The following MGA variants were observed in gnomAD, a reference collection of about 807,000 sequenced individuals.
MGA encodes MAX dimerization protein MGA.
MGA carries 40 observed loss-of-function variants against 261.1 expected under a neutral mutation model. The ratio of observed to expected loss-of-function variants is 0.15; its 90% CI spans 0.12 to 0.20. The LOEUF is 0.20. MGA is among the 10% of genes least tolerant of loss of function. MGA has a pLI of 1.00. For missense variants in MGA, 3,397 were observed against 3,630.5 expected (o/e 0.94, Z 1.65); for synonymous variants, 1,302 against 1,290.6 (o/e 1.01, Z -0.19).
intron 5 of MGA, among the ~76,000 whole-genome samples, chr15:41,699,493 A>ATGTGTGTGTG (rs10637801): frequency 6.6e-6 from 1 of 150,940 alleles, no homozygotes; most frequent in Non-Finnish European, 1.5e-5. Flanking sequence ...GCTTTTGTTT[A>ATGTGTGTGTG]TGTGTGTGTG....
chr15:41,729,370 G>C (rs1418425867), intron 11 of MGA, 21 bp downstream of exon 11: 2 of 1,590,040 alleles, frequency 1.3e-6, no homozygotes, highest in African/African-American at 2.7e-5. Flanking sequence ...TGTTGCATAA[G>C]TTCTTTTTAA....
intron 2 of MGA, among the ~76,000 whole-genome samples, chr15:41,694,916 G>T (rs1036632297): frequency 6.6e-6 from 1 of 152,126 alleles, no homozygotes; most frequent in East Asian, 1.9e-4. Flanking sequence ...TACTACAGGC[G>T]TGTGCCACCA....
intron 9 of MGA, among the ~76,000 whole-genome samples, chr15:41,717,137 T>C (rs1339805258): frequency 8.2e-6 from 1 of 122,004 alleles, no homozygotes; most frequent in African/African-American, 3.2e-5. Flanking sequence ...CAAGTCCTCA[T>C]GCTTTTTCTG....
intron 22 of MGA, 99 bp downstream of exon 22, chr15:41,762,461 G>GTTTTTTTTTTTGTTTTT (rs2063525666): frequency 8.0e-6 from 1 of 125,094 alleles, no homozygotes; most frequent in African/African-American, 6.6e-5. Flanking sequence ...GTTTTGTGTG[G>GTTTTTTTTTTTGTTTTT]TTTTTTTTTT....
chr15:41,696,667 T>C lies in MGA; in HGVS notation c.1657T>C (p.Tyr553His), dbSNP rs796885367. 10 of 1,612,812 alleles carry C rather than the reference T, an allele frequency of 6.2e-6. No homozygotes were observed. In the African/African-American group the frequency reaches 1.2e-4, roughly 19 times the overall value. Reference sequence around the variant, plus strand: ...CTTACTGAAAGAGCCTCAGTGGAAATATCCTGATATATCTGACAGCATTAG... The same window carrying C: ...CTTACTGAAAGAGCCTCAGTGGAAACATCCTGATATATCTGACAGCATTAG... The change falls in exon 3 of 24, where the codon TAT becomes CAT. Residue 553 changes from tyrosine to histidine, a missense_variant. Around this residue, in one of 9 missense-constraint regions of MGA, gnomAD observed 563 missense variants for 563.6 expected, o/e 1.00. Coordinates refer to ENST00000219905, the MANE Select transcript of MGA (RefSeq NM_001164273.2).
At position 41,726,746 on chromosome 15, in the gene MGA, T is replaced by A. The variant is rs978991089; in HGVS notation, c.3431-434T>A. On this transcript the variant is annotated intron_variant, in intron 9 of 23. Coordinates refer to ENST00000219905, the MANE Select transcript of MGA (RefSeq NM_001164273.2). ...TCTGTCTCAAAAAAAAAAAAAAAAA[T>A]TTTTTTTCAGTAAGGTCTTCTCTGA... 1.1e-3 allele frequency among the ~76,000 whole-genome samples: 164 copies of A among 150,230 alleles called. 1 individual carries two copies. Among genetic ancestry groups the A allele is most frequent in the East Asian group, 4.1e-3 (21 of 5,068 alleles).
At chr15:41,630,764 A>G (rs892530762) in intron 1 of MGA, among the ~76,000 whole-genome samples, 4 of 152,164 alleles carry the variant, frequency 2.6e-5, no homozygotes, top group Non-Finnish European at 4.4e-5. Context: ...CGGGAATTCT[A>G]TTTTAACAGT....
chr15:41,684,094 T>C (rs1351453833), intron 2 of MGA, among the ~76,000 whole-genome samples: 1 of 152,134 alleles, frequency 6.6e-6, no homozygotes, highest in Admixed American at 6.6e-5. Flanking sequence ...TTAAATTGCA[T>C]CATATTGTCT....
At chr15:41,718,578 T>C in intron 9 of MGA, 1 of 377,450 alleles carries the variant, frequency 2.6e-6, no homozygotes. Flanking sequence ...CTGCAACTGC[T>C]TCTCGAAGTG....
intron 9 of MGA, among the ~76,000 whole-genome samples, chr15:41,722,389 A>G (rs1567033683): frequency 6.6e-6 from 1 of 152,178 alleles, no homozygotes; most frequent in Non-Finnish European, 1.5e-5. Flanking sequence ...TCGGCCTCCC[A>G]AAGTGCTGGG....
At position 41,749,454 on chromosome 15, in the gene MGA, C is replaced by T. The variant is rs780478206; in HGVS notation, c.5847C>T (p.Leu1949=). The T allele has an allele frequency of 6.2e-7, 1 of 1,613,968 alleles. No homozygotes were observed. The highest frequency in any genetic ancestry group is 1.1e-5 in the South Asian group (1 of 91,080). Residue 1949 remains leucine (L), a synonymous_variant, in exon 17 of 24, where the codon CTC becomes CTT. Transcript: ENST00000219905. ...CTGGTAGTTTTGCCTTGTTACAGCTCCCAGGACAAAAGCCTGTTCCTAGCT... is the reference window on the plus strand; with the variant it reads ...CTGGTAGTTTTGCCTTGTTACAGCTTCCAGGACAAAAGCCTGTTCCTAGCT...
At chr15:41,689,394 T>A (rs972284266) in intron 2 of MGA, among the ~76,000 whole-genome samples, 5 of 149,384 alleles carry the variant, frequency 3.3e-5, no homozygotes, top group Non-Finnish European at 7.4e-5. Context: ...CTCCTTTTCT[T>A]TCTCTCTCCC....
At position 41,745,646 on chromosome 15, in the gene MGA, C is replaced by T. The variant is rs142836544; in HGVS notation, c.5212+2474C>T. On this transcript the variant is annotated intron_variant, in intron 15 of 23. Coordinates refer to ENST00000219905, the MANE Select transcript of MGA (RefSeq NM_001164273.2). ...GACAGACAGGGTCTTGCCCTGTCAT[C>T]CTGGTTGGAGTGTAGTGGCATGATC... Among the ~76,000 whole-genome samples the T allele has an allele frequency of 2.4e-4, 36 of 152,094 alleles. No homozygotes were observed. The East Asian group carries it at 6.4e-3, about 27-fold the overall frequency.
At chr15:41,754,384 T>C (rs1255749457) in intron 17 of MGA, 53 bp from the exon 18 acceptor site, 13 of 1,455,264 alleles carry the variant, frequency 8.9e-6, no homozygotes, top group South Asian at 1.5e-5. Flanking sequence ...TTGAAAAGTT[T>C]AGGTGTGCTT....
chr15:41,705,219 C>G (rs763167761), intron 5 of MGA, among the ~76,000 whole-genome samples: 6 of 152,192 alleles, frequency 3.9e-5, no homozygotes, highest in Non-Finnish European at 7.3e-5. Flanking sequence ...CCCACCTCAA[C>G]CTCCCAAAGT....
At chr15:41,645,194 A>G (rs2056911903) in intron 1 of MGA, among the ~76,000 whole-genome samples, 1 of 152,232 alleles carries the variant, frequency 6.6e-6, no homozygotes, top group Non-Finnish European at 1.5e-5. Context: ...ATTTAATCTT[A>G]GAAAATGTCA....
intron 1 of MGA, among the ~76,000 whole-genome samples, chr15:41,647,080 C>T (rs1036153474): frequency 4.6e-5 from 7 of 152,142 alleles, no homozygotes; most frequent in Admixed American, 6.5e-5. Context: ...TAGCTTGGCT[C>T]TCTTTTCTCA....
At chr15:41,746,443 G>A (rs1398940221) in intron 15 of MGA, among the ~76,000 whole-genome samples, 1 of 151,412 alleles carries the variant, frequency 6.6e-6, no homozygotes, top group Non-Finnish European at 1.5e-5. Flanking sequence ...TACTCTGGAG[G>A]CTGAGGCAGG....
At chr15:41,711,761 T>A (rs1301683225) in intron 8 of MGA, among the ~76,000 whole-genome samples, 3 of 152,142 alleles carry the variant, frequency 2.0e-5, no homozygotes, top group Admixed American at 6.5e-5. Flanking sequence ...AGTGGCAGGA[T>A]CTCAGCTCAC....
Sources: allele counts gnomAD v4.1 joint callset (sites outside exome capture counted in the v4.1 genomes callset), GRCh38; gene constraint gnomAD v4.1.1; regional missense constraint gnomAD v4.1.1; transcripts MANE v1.5; gene names NCBI Gene and HGNC (gene_info 2026-07-23, HGNC 2026-07-21).